ERBB4: variants seen among roughly 807,000 people sequenced by gnomAD.
ERBB4 encodes erb-b2 receptor tyrosine kinase 4.
A neutral mutation model predicts 158.0 loss-of-function variants in ERBB4; 42 were observed. That is an observed-to-expected ratio of 0.27 (90% CI 0.21 to 0.34). ERBB4 has a LOEUF of 0.34. Ranked by LOEUF, ERBB4 falls within the 10% of genes least tolerant of loss-of-function variation. The pLI is 1.00. For synonymous variants in ERBB4, 583 were observed against 558.7 expected, an observed-to-expected ratio of 1.04 and a Z score of -0.61; for missense variants, 1,333 against 1,624.1, an observed-to-expected ratio of 0.82 and a Z score of 3.08.
At chr2:212,187,805 A>G (rs901913313) in intron 1 of ERBB4, among the ~76,000 whole-genome samples, 1 of 152,174 alleles carries the variant, frequency 6.6e-6, no homozygotes, top group Non-Finnish European at 1.5e-5. Context: ...AAATTATTTC[A>G]GAGACATGAG....
At chr2:211,614,928 G>T (rs900210165) in intron 19 of ERBB4, among the ~76,000 whole-genome samples, 1 of 151,976 alleles carries the variant, frequency 6.6e-6, no homozygotes, top group Non-Finnish European at 1.5e-5. Context: ...AGAAAAACAA[G>T]CTATTCTTTT....
intron 2 of ERBB4, among the ~76,000 whole-genome samples, chr2:212,122,792 G>T (rs867515222): frequency 6.6e-6 from 1 of 151,400 alleles, no homozygotes; most frequent in African/African-American, 2.4e-5. Flanking sequence ...TATATAAAAA[G>T]ACATTTTTAT....
chr2:212,280,124 A>G (rs781171933), intron 1 of ERBB4, among the ~76,000 whole-genome samples: 5 of 151,620 alleles, frequency 3.3e-5, no homozygotes, highest in Non-Finnish European at 7.4e-5. Context: ...CTAAATCACA[A>G]TGTGATACCA....
At chr2:212,222,061 T>C (rs928546168) in intron 1 of ERBB4, among the ~76,000 whole-genome samples, 4 of 151,596 alleles carry the variant, frequency 2.6e-5, no homozygotes, top group Non-Finnish European at 5.9e-5. Context: ...TAATAGTAGC[T>C]TTTTAGTTTA....
intron 16 of ERBB4, among the ~76,000 whole-genome samples, chr2:211,653,831 C>T (rs573672771): frequency 5.9e-4 from 90 of 151,948 alleles, no homozygotes; most frequent in East Asian, 2.3e-3. Context: ...TGTTCCACCA[C>T]GCCCGGCTAA....
At chr2:211,794,462 G>A (rs980766966) in intron 3 of ERBB4, among the ~76,000 whole-genome samples, 1 of 151,840 alleles carries the variant, frequency 6.6e-6, no homozygotes, top group African/African-American at 2.4e-5. Context: ...TGTGTCCCTA[G>A]TGCCAAAGAA....
intron 1 of ERBB4, among the ~76,000 whole-genome samples, chr2:212,152,277 G>A (rs2125630744): frequency 6.6e-6 from 1 of 152,190 alleles, no homozygotes; most frequent in African/African-American, 2.4e-5. Flanking sequence ...CTTTATAAAA[G>A]GGAGTTATTA....
At chr2:212,425,524 T>A (rs937356821) in intron 1 of ERBB4, among the ~76,000 whole-genome samples, 1 of 151,134 alleles carries the variant, frequency 6.6e-6, no homozygotes, top group Non-Finnish European at 1.5e-5. Flanking sequence ...AACAATAATA[T>A]CAAAAAGTCT....
chr2:211,702,095 C>G lies in ERBB4; in HGVS notation c.1361G>C (p.Ser454Thr), dbSNP rs1229780730. The G allele has an allele frequency of 6.2e-7, 1 of 1,613,940 alleles. No individual in the cohort carries two copies. The highest frequency in any genetic ancestry group is 8.5e-7 in the Non-Finnish European group (1 of 1,179,968). ...SLQFQSLKEI[S>T]AGNIYITDNS... ...GTCAGTAATATAGATGTTTCCTGCGCTGATTTCCTTCAGGGACTGGAACTG... is the reference window on the plus strand; with the variant it reads ...GTCAGTAATATAGATGTTTCCTGCGGTGATTTCCTTCAGGGACTGGAACTG... The change falls in exon 12 of 28, where the codon AGC becomes ACC. Residue 454 changes from serine to threonine, a missense_variant. Ser to Thr is a moderately conservative substitution (Grantham distance 58). This residue lies in a region of ERBB4 where 438 missense variants were observed against 586.9 expected (regional missense o/e 0.75). Transcript: ENST00000342788.
intron 1 of ERBB4, among the ~76,000 whole-genome samples, chr2:212,272,328 C>A (rs955245171): frequency 6.6e-6 from 1 of 151,322 alleles, no homozygotes; most frequent in African/African-American, 2.4e-5. Flanking sequence ...AAGCCAACTG[C>A]TCAACAATTC....
intron 1 of ERBB4, among the ~76,000 whole-genome samples, chr2:212,533,237 A>C (rs936995924): frequency 3.3e-5 from 5 of 152,206 alleles, no homozygotes; most frequent in African/African-American, 1.2e-4. Context: ...ATGTTTCTTA[A>C]TATAGGTATA....
intron 2 of ERBB4, among the ~76,000 whole-genome samples, chr2:212,055,086 C>T (rs531526318): frequency 2.7e-4 from 41 of 152,212 alleles, no homozygotes; most frequent in African/African-American, 9.4e-4. Flanking sequence ...CCTGGAAAAT[C>T]GGGTCACTCC....
intron 1 of ERBB4, among the ~76,000 whole-genome samples, chr2:212,311,068 C>A (rs1041908930): frequency 6.6e-6 from 1 of 150,766 alleles, no homozygotes; most frequent in Non-Finnish European, 1.5e-5. Flanking sequence ...GTTGACAGTA[C>A]AAACTTCCTT....
intron 1 of ERBB4, among the ~76,000 whole-genome samples, chr2:212,399,150 C>T (rs552964772): frequency 6.6e-6 from 1 of 152,018 alleles, no homozygotes; most frequent in Non-Finnish European, 1.5e-5. Context: ...ACCATGTTGG[C>T]CAGACTGATC....
chr2:211,587,479 A>G (rs1056163562), intron 19 of ERBB4, among the ~76,000 whole-genome samples: 1 of 152,178 alleles, frequency 6.6e-6, no homozygotes, highest in African/African-American at 2.4e-5. Flanking sequence ...ATGAAGCCGG[A>G]GGATTGCAGC....
intron 3 of ERBB4, among the ~76,000 whole-genome samples, chr2:211,839,365 T>A (rs1575225477): frequency 6.6e-6 from 1 of 151,314 alleles, no homozygotes; most frequent in South Asian, 2.1e-4. Context: ...CAAGATATAA[T>A]AAAAAAAAAT....
intron 2 of ERBB4, among the ~76,000 whole-genome samples, chr2:212,043,921 T>C (rs1006975511): frequency 3.0e-4 from 46 of 152,126 alleles, no homozygotes; most frequent in Admixed American, 2.4e-3. Flanking sequence ...TCAATAAATA[T>C]TACATATTAT....
At position 211,592,220 on chromosome 2, in the gene ERBB4, C is replaced by T. The variant is rs540799613; in HGVS notation, c.2301+26957G>A. 1.8e-4 allele frequency among the ~76,000 whole-genome samples: 28 copies of T among 152,206 alleles called. 1 individual carries two copies. In the South Asian group the frequency reaches 4.4e-3, roughly 24 times the overall value. ...TTGGGCGTTATCAATCGGATGAATT[C>T]CTGGGAACTGCGGGTATTGCTCGCC... is the stretch of plus-strand genomic sequence containing the variant. On this transcript the variant is annotated intron_variant, in intron 19 of 27. Coordinates refer to ENST00000342788, the MANE Select transcript of ERBB4 (RefSeq NM_005235.3).
intron 2 of ERBB4, among the ~76,000 whole-genome samples, chr2:212,076,786 A>C (rs1028762061): frequency 6.6e-6 from 1 of 151,932 alleles, no homozygotes; most frequent in Non-Finnish European, 1.5e-5. Flanking sequence ...GTTTGTTTAT[A>C]AGATATAAGG....
Sources: gnomAD v4.1 joint callset for allele counts (sites outside exome capture counted in the v4.1 genomes callset) on GRCh38, gnomAD v4.1.1 for gene constraint, gnomAD v4.1.1 regional missense constraint, MANE v1.5 for transcripts, NCBI Gene and HGNC (gene_info 2026-07-23, HGNC 2026-07-21) for gene names.